Variants in GCN1 observed in about 807,000 individuals in gnomAD.
The protein encoded by GCN1 is stalled ribosome sensor GCN1.
GCN1 carries 90 observed loss-of-function variants against 288.4 expected under a neutral mutation model. The ratio of observed to expected loss-of-function variants is 0.31; its 90% CI spans 0.26 to 0.37. The LOEUF is 0.37. Among genes scored for constraint, GCN1 ranks in the 10% least tolerant of loss-of-function variants. The pLI is 1.00. For synonymous variants in GCN1, 1,386 were observed against 1,420.2 expected (o/e 0.98, Z 0.54); for missense variants, 2,586 against 3,419.9 (o/e 0.76, Z 6.08).
chr12:120,150,916 G>A (rs1316555133), intron 34 of GCN1, among the ~76,000 whole-genome samples: 3 of 151,070 alleles, frequency 2.0e-5, no homozygotes, highest in African/African-American at 4.9e-5. Flanking sequence ...TAGCCTGGGC[G>A]ACAGAGCGAG....
Position 120,155,160 on chromosome 12 carries a change from G to A in GCN1, c.3630+81C>T. On this transcript the variant is annotated intron_variant, in intron 30 of 57. Coordinates refer to ENST00000300648, the MANE Select transcript of GCN1 (RefSeq NM_006836.2). This position sits in a 1 kb window ranked among gnomAD's most constrained non-coding sequence, Gnocchi z 4.9. ...AGCCACCGTGAGCCCCGAGATTCCTGTCTGGAGCAGTAGCGGGGTGAGCAG... is the reference window on the plus strand; with the variant it reads ...AGCCACCGTGAGCCCCGAGATTCCTATCTGGAGCAGTAGCGGGGTGAGCAG... 6.5e-7 allele frequency: 1 copy of A among 1,532,966 alleles called. No homozygotes were observed. The highest frequency in any genetic ancestry group is 1.1e-5 in the South Asian group (1 of 89,158). 95.0% of individuals were successfully genotyped at this position (1,532,966 alleles called of 1,614,324 possible). A position where few individuals can be genotyped will look rare whatever the true frequency, so the allele number is the denominator to read the frequency against.
At chr12:120,128,141 C>T (rs563203953) in intron 57 of GCN1, among the ~76,000 whole-genome samples, 167 bp from the exon 58 acceptor site, 71 of 152,328 alleles carry the variant, frequency 4.7e-4, no homozygotes, top group African/African-American at 1.6e-3. Flanking sequence ...AATGAAAACA[C>T]TCATCATGCT....
At chr12:120,164,775 T>G in intron 16 of GCN1, 54 bp from the exon 17 acceptor site, 2 of 1,037,396 alleles carry the variant, frequency 1.9e-6, no homozygotes, top group Non-Finnish European at 3.0e-6. Context: ...AGTGTACACA[T>G]ACATACCAAT....
intron 35 of GCN1, 43 bp from the exon 36 acceptor site, chr12:120,149,763 G>A (rs1323045064): frequency 6.4e-7 from 1 of 1,555,858 alleles, no homozygotes; most frequent in Non-Finnish European, 8.9e-7. Context: ...CCTCACCCAA[G>A]CAAGGGGCAA....
At chr12:120,164,932 T>A (rs970911207) in intron 16 of GCN1, among the ~76,000 whole-genome samples, 3 of 149,416 alleles carry the variant, frequency 2.0e-5, no homozygotes, top group Non-Finnish European at 4.4e-5. Context: ...TTTTTATTTA[T>A]TTTATATATA....
chr12:120,151,721 C>T (rs937908462), intron 33 of GCN1, among the ~76,000 whole-genome samples: 1 of 152,184 alleles, frequency 6.6e-6, no homozygotes, highest in African/African-American at 2.4e-5. Flanking sequence ...AAGAAAGCTT[C>T]CAGAGAAGTG....
intron 11 of GCN1, among the ~76,000 whole-genome samples, 170 bp downstream of exon 11, chr12:120,175,576 G>C (rs1039854463): frequency 6.6e-6 from 1 of 152,062 alleles, no homozygotes; most frequent in Non-Finnish European, 1.5e-5. Flanking sequence ...ACACCACCCC[G>C]TGCACGGTTT....
In GCN1 at chr12:120,153,751, T is replaced by C. The variant is rs1427462263; in HGVS notation, c.3860A>G (p.His1287Arg). The stretch of plus-strand genomic sequence containing the variant: ...TGGCTGGGACCCCCTTACCTTCCCA[T>C]GAGTGTTGAGCGTTGCGAGGGCTGC... ...LDAALATLNT[H>R]GKENVNSLLP... Residue 1287 changes from histidine to arginine, a missense_variant, in exon 32 of 58, where the codon CAT (histidine) becomes CGT (arginine). Physicochemically the swap from His to Arg is conservative, Grantham distance 29 (BLOSUM62 0). Coordinates refer to ENST00000300648, the MANE Select transcript of GCN1 (RefSeq NM_006836.2). This position sits in a 1 kb window ranked among gnomAD's most constrained non-coding sequence, Gnocchi z 4.4. 4 of 1,612,394 alleles carry C rather than the reference T, an allele frequency of 2.5e-6. No individual in the cohort carries two copies. Among genetic ancestry groups the C allele is most frequent in the Non-Finnish European group, 2.5e-6 (3 of 1,178,584 alleles).
chr12:120,157,079 C>T (rs1180313659), intron 26 of GCN1, 87 bp from the exon 27 acceptor site: 14 of 815,260 alleles, frequency 1.7e-5, no homozygotes, highest in East Asian at 7.7e-5. Flanking sequence ...CTCTCACCCA[C>T]GGGGGAACAT....
At position 120,137,295 on chromosome 12, in the gene GCN1, C is replaced by T; in HGVS notation, c.6688G>A (p.Ala2230Thr). ...TCCTTGTGCAGCTCTTCAATGAGTG[C>T]CAACTGGTTGCCAGCATCCAGCTTC... ...TKKLDAGNQL[A>T]LIEELHKEIR... Residue 2230 changes from alanine (A) to threonine (T), a missense_variant, in exon 50 of 58, where the codon GCA (alanine) becomes ACA (threonine). This residue lies in a region of GCN1 where 437 missense variants were observed against 570.5 expected (regional missense o/e 0.77). Transcript: ENST00000300648. This position sits in a 1 kb window ranked among gnomAD's most constrained non-coding sequence, Gnocchi z 5.2. 2.5e-6 allele frequency: 4 copies of T among 1,614,008 alleles called. No homozygotes were observed. Among genetic ancestry groups the T allele is most frequent in the Non-Finnish European group, 3.4e-6 (4 of 1,179,938 alleles).
In GCN1 at chr12:120,163,078, G is replaced by A. The variant is rs1877983055; in HGVS notation, c.2030C>T (p.Pro677Leu). The change falls in exon 19 of 58, where the codon CCA (proline) becomes CTA (leucine). Residue 677 changes from proline to leucine, a missense_variant. Around this residue, in one of 8 missense-constraint regions of GCN1, gnomAD observed 913 missense variants for 1,107.0 expected, o/e 0.82. Transcript: ENST00000300648. ...AQEMLIISHH[P>L]SLVAVQSGLW... ...CCACCGCAGCCACGGACCTAAGGAT[G>A]GGTGGTGGGAGATGATCAGCATTTC... is the stretch of plus-strand genomic sequence containing the variant. 6.2e-7 allele frequency: 1 copy of A among 1,614,002 alleles called. No homozygotes were observed. Among genetic ancestry groups the A allele is most frequent in the Non-Finnish European group, 8.5e-7 (1 of 1,179,942 alleles).
Position 120,136,528 on chromosome 12 carries a change from C to G in GCN1, c.6982G>C (p.Glu2328Gln), listed in dbSNP as rs748265718. Reference sequence around the variant, plus strand: ...TTAGCCAACAAGAGGCTGAGTGTCTCGAGCAGAGCCGCCTTCACATTCCAG... The same window carrying G: ...TTAGCCAACAAGAGGCTGAGTGTCTGGAGCAGAGCCGCCTTCACATTCCAG... Reference protein sequence around the residue: ...FSWNVKAALLETLSLLLAKVG... With the variant: ...FSWNVKAALLQTLSLLLAKVG... The change falls in exon 51 of 58, where the codon GAG becomes CAG. Residue 2328 changes from glutamate to glutamine, a missense_variant. By Grantham distance (29) the Glu-to-Gln change is conservative. Coordinates refer to ENST00000300648, the MANE Select transcript of GCN1 (RefSeq NM_006836.2). 9.9e-6 allele frequency: 16 copies of G among 1,614,134 alleles called. No individual in the cohort carries two copies. The highest frequency in any genetic ancestry group is 1.4e-5 in the Non-Finnish European group (16 of 1,179,960).
Position 120,127,887 on chromosome 12 carries a change from C to T in GCN1, c.7978G>A (p.Asp2660Asn), listed in dbSNP as rs772691322. ...GTGTCGTCCACCTGCTCCGTGGAGT[C>T]GGCCTGGCTGGCCAGCTTCTTCAGG... ...RSLKKLASQA[D>N]STEQVDDTIL... Residue 2660 changes from aspartate to asparagine, a missense_variant, in exon 58 of 58, where the codon GAC becomes AAC. Physicochemically the swap from Asp to Asn is conservative, Grantham distance 23 (BLOSUM62 1). Around this residue, in one of 8 missense-constraint regions of GCN1, gnomAD observed 355 missense variants for 431.1 expected, o/e 0.82. Transcript: ENST00000300648. The T allele has an allele frequency of 8.1e-6, 13 of 1,613,924 alleles. No individual in the cohort carries two copies. Among genetic ancestry groups the T allele is most frequent in the South Asian group, 3.3e-5 (3 of 91,080 alleles).
Position 120,149,631 on chromosome 12 carries a change from C to T in GCN1, c.4521G>A (p.Glu1507=), listed in dbSNP as rs1286415639. The T allele has an allele frequency of 2.5e-6, 4 of 1,613,794 alleles. No individual in the cohort carries two copies. Among genetic ancestry groups the T allele is most frequent in the Non-Finnish European group, 3.4e-6 (4 of 1,179,818 alleles). ...CAGCTTTGGTCCGCCACGATTCCTC[C>T]TCCAGGGCAGCCAGTAAGGAGGGGA... ...LVLPSLLAAL[E]EESWRTKAGS... is the part of the protein sequence containing the mutation. Residue 1507 remains glutamate (E), a synonymous_variant, in exon 36 of 58, where the codon GAG becomes GAA. Coordinates refer to ENST00000300648, the MANE Select transcript of GCN1 (RefSeq NM_006836.2).
Position 120,137,349 on chromosome 12 carries a change from T to G in GCN1, c.6664-30A>C. 2 of 1,556,738 alleles carry G rather than the reference T, an allele frequency of 1.3e-6. No homozygotes were observed. Among genetic ancestry groups the G allele is most frequent in the East Asian group, 2.2e-5 (1 of 44,574 alleles). ...AGGAATCCAGGAAAAAGCGAGAGGA[T>G]GTACAGCCCTCTCAAGACTGCTTCC... On this transcript the variant is annotated intron_variant, in intron 49 of 57. Coordinates refer to ENST00000300648, the MANE Select transcript of GCN1 (RefSeq NM_006836.2). The surrounding 1 kb of genome is among the most constrained non-coding windows in gnomAD (Gnocchi z 5.2).
Position 120,158,499 on chromosome 12 carries a change from T to A in GCN1, c.2866A>T (p.Thr956Ser), listed in dbSNP as rs1342740844. 1.9e-6 allele frequency: 3 copies of A among 1,563,782 alleles called. No homozygotes were observed. Among genetic ancestry groups the A allele is most frequent in the Non-Finnish European group, 1.7e-6 (2 of 1,153,754 alleles). Residue 956 changes from threonine (T) to serine (S), a missense_variant, in exon 25 of 58, where the codon ACC becomes TCC. Thr to Ser is a moderately conservative substitution (Grantham distance 58, BLOSUM62 1). This residue lies in a region of GCN1 where 153 missense variants were observed against 252.0 expected (regional missense o/e 0.61). Transcript: ENST00000300648. This position sits in a 1 kb window ranked among gnomAD's most constrained non-coding sequence, Gnocchi z 4.3. ...AVKRAVMLLHTHTITSRVGKG... is the reference protein window; with the variant it reads ...AVKRAVMLLHSHTITSRVGKG... ...CCCACCCTGCTGGTGATGGTGTGGG[T>A]GTGCAGCAGCATCACCGCCCTCTTC...
intron 14 of GCN1, among the ~76,000 whole-genome samples, chr12:120,171,446 G>A (rs1179046975): frequency 1.3e-5 from 2 of 152,124 alleles, no homozygotes. Flanking sequence ...CAGCCTGGGT[G>A]ACAGAGAGAA....
At chr12:120,148,804 A>C (rs1212152176) in intron 36 of GCN1, among the ~76,000 whole-genome samples, 1 of 151,984 alleles carries the variant, frequency 6.6e-6, no homozygotes, top group Non-Finnish European at 1.5e-5. Context: ...CTGTTTGCTT[A>C]TTAGGGTGCC....
rs370284866 is a variant in GCN1 at position 120,158,590 on chromosome 12, C to G, written c.2775G>C (p.Leu925=). The G allele has an allele frequency of 9.9e-5, 160 of 1,608,628 alleles. 1 individual carries two copies. The highest frequency in any genetic ancestry group is 2.9e-4 in the South Asian group (26 of 89,722). ...GGACACACTCTGGCTTCAGCAGGCG[C>G]AGGGTCACGTGGCTCACCAAAGTGC... ...ALGTLVSHVT[L]RLLKPECVLD... The change falls in exon 25 of 58, where the codon CTG becomes CTC. Residue 925 remains leucine (L), a synonymous_variant. Coordinates refer to ENST00000300648, the MANE Select transcript of GCN1 (RefSeq NM_006836.2). This position sits in a 1 kb window ranked among gnomAD's most constrained non-coding sequence, Gnocchi z 4.3.
Sources: gnomAD v4.1 joint callset for allele counts (sites outside exome capture counted in the v4.1 genomes callset) on GRCh38, gnomAD v4.1.1 for gene constraint, gnomAD v4.1.1 regional missense constraint, Gnocchi (gnomAD v3.1) non-coding constraint, MANE v1.5 for transcripts, NCBI Gene and HGNC (gene_info 2026-07-23, HGNC 2026-07-21) for gene names.